The following NKAIN2 variants were observed in gnomAD, a reference collection of about 807,000 sequenced individuals.
NKAIN2 encodes the protein sodium/potassium transporting ATPase interacting 2.
Under a neutral mutation model 32.6 loss-of-function variants are expected in NKAIN2, and 14 were observed. That is an observed-to-expected ratio of 0.43 (90% CI 0.28 to 0.67). NKAIN2 has a LOEUF of 0.67. Among genes scored for constraint, NKAIN2 ranks in the 30% least tolerant of loss-of-function variants. The pLI, the probability that NKAIN2 is intolerant of heterozygous loss-of-function variation, is 0.17. For synonymous variants in NKAIN2, 80 were observed against 87.2 expected, an observed-to-expected ratio of 0.92 and a Z score of 0.46; for missense variants, 198 against 258.3, an observed-to-expected ratio of 0.77 and a Z score of 1.60.
chr6:124,819,093 C>T, intron 6 of NKAIN2: 2 of 947,564 alleles, frequency 2.1e-6, no homozygotes, highest in Non-Finnish European at 2.5e-6. Context: ...TAGGCAAATT[C>T]CCTTGGATAA....
chr6:124,395,146 A>G (rs919761548), intron 3 of NKAIN2, among the ~76,000 whole-genome samples: 2 of 152,266 alleles, frequency 1.3e-5, no homozygotes, highest in Non-Finnish European at 2.9e-5. Context: ...ATTGAAATAA[A>G]TCTTCTCATG....
chr6:124,386,431 A>C (rs1278573165), intron 3 of NKAIN2, among the ~76,000 whole-genome samples: 3 of 152,124 alleles, frequency 2.0e-5, no homozygotes, highest in Admixed American at 2.0e-4. Flanking sequence ...CTTGGTAACC[A>C]TTGCTCTGAT....
chr6:124,073,768 T>C (rs1783564538), intron 1 of NKAIN2, among the ~76,000 whole-genome samples: 1 of 152,060 alleles, frequency 6.6e-6, no homozygotes, highest in Admixed American at 6.6e-5. Flanking sequence ...TAACATACGA[T>C]TAAATAACCC....
At chr6:124,547,774 TAGG>T (rs756495922) in intron 3 of NKAIN2, among the ~76,000 whole-genome samples, 3 of 152,170 alleles carry the variant, frequency 2.0e-5, no homozygotes, top group Non-Finnish European at 2.9e-5. Context: ...TTTCAGATAG[TAGG>T]AGTAGTGTAA....
At chr6:124,495,367 C>T (rs755532015) in intron 3 of NKAIN2, among the ~76,000 whole-genome samples, 1 of 151,952 alleles carries the variant, frequency 6.6e-6, no homozygotes, top group African/African-American at 2.4e-5. Flanking sequence ...TGTGAAAGGG[C>T]TTTTTGTTTG....
chr6:124,380,362 T>G (rs1443019799), intron 3 of NKAIN2, among the ~76,000 whole-genome samples: 1 of 152,254 alleles, frequency 6.6e-6, no homozygotes, highest in Non-Finnish European at 1.5e-5. Context: ...CTAGGGACTA[T>G]ATTTCATGTC....
rs569941683 is a variant in NKAIN2 at position 124,654,624 on chromosome 6, A to G, written c.274-3562A>G. Reference sequence around the variant, plus strand: ...TACCTCAGAATGTGACTTCATGTGGAAAAAGGATCATTTCAGATGTGACTA... The same window carrying G: ...TACCTCAGAATGTGACTTCATGTGGGAAAAGGATCATTTCAGATGTGACTA... On this transcript the variant is annotated intron_variant, in intron 3 of 6. Coordinates refer to ENST00000368417, the MANE Select transcript of NKAIN2 (RefSeq NM_001040214.3). Among the ~76,000 whole-genome samples the G allele has an allele frequency of 2.6e-5, 4 of 152,300 alleles. No homozygotes were observed. The South Asian group carries it at 8.3e-4, about 32-fold the overall frequency.
At chr6:123,826,509 A>G (rs1774154765) in intron 1 of NKAIN2, among the ~76,000 whole-genome samples, 1 of 151,858 alleles carries the variant, frequency 6.6e-6, no homozygotes, top group Admixed American at 6.6e-5. Flanking sequence ...TTGAACAGTA[A>G]CTCACCATTC....
chr6:124,220,736 T>C (rs1289043996), intron 1 of NKAIN2, among the ~76,000 whole-genome samples: 1 of 151,908 alleles, frequency 6.6e-6, no homozygotes, highest in Non-Finnish European at 1.5e-5. Flanking sequence ...GTTAATTGTC[T>C]ATCTTTCCCA....
At chr6:124,603,983 A>G (rs1174660843) in intron 3 of NKAIN2, among the ~76,000 whole-genome samples, 1 of 152,072 alleles carries the variant, frequency 6.6e-6, no homozygotes, top group African/African-American at 2.4e-5. Context: ...TGCTGCCATC[A>G]GAGAACAGCA....
At chr6:123,844,746 G>A (rs377115418) in intron 1 of NKAIN2, among the ~76,000 whole-genome samples, 59 of 152,322 alleles carry the variant, frequency 3.9e-4, no homozygotes, top group African/African-American at 1.4e-3. Context: ...TGCTGTACAA[G>A]GCTAACAGAT....
intron 1 of NKAIN2, among the ~76,000 whole-genome samples, chr6:123,846,136 A>C (rs1775079485): frequency 6.6e-6 from 1 of 152,306 alleles, no homozygotes; most frequent in African/African-American, 2.4e-5. Context: ...TAAAGTGTTA[A>C]ACTTGGAGCA....
intron 1 of NKAIN2, among the ~76,000 whole-genome samples, chr6:124,009,947 G>A (rs975731059): frequency 2.0e-5 from 3 of 152,112 alleles, no homozygotes; most frequent in African/African-American, 7.2e-5. Context: ...ATATATGTGT[G>A]TGTGTGTATG....
At chr6:124,634,179 T>C (rs983796862) in intron 3 of NKAIN2, among the ~76,000 whole-genome samples, 2 of 151,854 alleles carry the variant, frequency 1.3e-5, no homozygotes, top group Non-Finnish European at 1.5e-5. Flanking sequence ...TATCAATGTA[T>C]AGACACAAGA....
chr6:124,653,632 T>A (rs1784442420), intron 3 of NKAIN2, among the ~76,000 whole-genome samples: 1 of 151,916 alleles, frequency 6.6e-6, no homozygotes, highest in Non-Finnish European at 1.5e-5. Flanking sequence ...AAAGGCATGA[T>A]CCATGAAAAA....
intron 3 of NKAIN2, among the ~76,000 whole-genome samples, chr6:124,479,272 A>C (rs931930240): frequency 6.6e-6 from 1 of 152,158 alleles, no homozygotes; most frequent in Admixed American, 6.5e-5. Context: ...ATTAATAATC[A>C]TGTATCGATA....
intron 3 of NKAIN2, among the ~76,000 whole-genome samples, chr6:124,358,408 C>T (rs1799096836): frequency 6.6e-6 from 1 of 151,954 alleles, no homozygotes; most frequent in African/African-American, 2.4e-5. Context: ...TAAAAGTGTT[C>T]CTATATCTCC....
intron 4 of NKAIN2, among the ~76,000 whole-genome samples, chr6:124,739,623 TAGTTGACTG>T (rs1326317464): frequency 5.9e-5 from 9 of 151,838 alleles, no homozygotes; most frequent in Non-Finnish European, 1.3e-4. Flanking sequence ...GCATGTGGCT[TAGTTGACTG>T]GGTTGAGTGC....
At chr6:124,694,112 T>A (rs901743317) in intron 4 of NKAIN2, among the ~76,000 whole-genome samples, 3 of 152,250 alleles carry the variant, frequency 2.0e-5, no homozygotes, top group Admixed American at 6.5e-5. Flanking sequence ...CACGTTTGCA[T>A]ATATGAATAT....
Sources: gnomAD v4.1 joint callset for allele counts (sites outside exome capture counted in the v4.1 genomes callset) on GRCh38, gnomAD v4.1.1 for gene constraint, MANE v1.5 for transcripts, NCBI Gene and HGNC (gene_info 2026-07-23, HGNC 2026-07-21) for gene names.